TRPM3: variants seen among roughly 807,000 people sequenced by gnomAD.
TRPM3 encodes transient receptor potential cation channel subfamily M member 3, also known as long transient receptor potential channel 3.
In TRPM3, 77 loss-of-function variants were observed where a neutral mutation model predicts 181.2. The observed-to-expected ratio is 0.42, with a 90% CI of 0.35 to 0.51. The LOEUF (loss-of-function observed/expected upper bound fraction) is 0.51. Ranked by LOEUF, TRPM3 falls within the 20% of genes least tolerant of loss-of-function variation. TRPM3 has a pLI of 0.01. For synonymous variants in TRPM3, 745 were observed against 796.4 expected (o/e 0.94, Z 1.09); for missense variants, 1,759 against 2,196.7 (o/e 0.80, Z 3.98).
intron 1 of TRPM3, among the ~76,000 whole-genome samples, chr9:71,343,196 A>G (rs929982164): frequency 4.6e-5 from 7 of 152,036 alleles, no homozygotes; most frequent in Admixed American, 6.6e-5. Flanking sequence ...GAGCGCATAA[A>G]TGTTGTATTT....
intron 1 of TRPM3, among the ~76,000 whole-genome samples, chr9:71,379,055 G>A (rs954724368): frequency 2.6e-5 from 4 of 151,898 alleles, no homozygotes; most frequent in African/African-American, 9.7e-5. Context: ...GGTGTAAAGT[G>A]GCATTGCAGA....
At position 71,009,568 on chromosome 9, in the gene TRPM3, T is replaced by C. The variant is rs1238670543; in HGVS notation, c.177+111610A>G. Among the ~76,000 whole-genome samples, 4 of 152,022 alleles carry C rather than the reference T, an allele frequency of 2.6e-5. No individual in the cohort carries two copies. The East Asian group carries it at 7.7e-4, about 29-fold the overall frequency. On this transcript the variant is annotated intron_variant, in intron 1 of 25. Coordinates refer to ENST00000677713, the MANE Select transcript of TRPM3 (RefSeq NM_001366145.2). ...TACAATAAAAACTATAAAACACTAA[T>C]GGAAGAAATTAAAGAGGAGGCAATT...
intron 22 of TRPM3, among the ~76,000 whole-genome samples, chr9:70,560,735 C>G (rs1441623626): frequency 6.6e-6 from 1 of 152,168 alleles, no homozygotes; most frequent in Non-Finnish European, 1.5e-5. Context: ...TTATTCTTGT[C>G]CCTATCAACA....
intron 1 of TRPM3, among the ~76,000 whole-genome samples, chr9:71,201,480 G>A (rs1004919677): frequency 6.6e-6 from 1 of 152,262 alleles, no homozygotes; most frequent in East Asian, 1.9e-4. Flanking sequence ...TTCCAACTTG[G>A]TTCCATTCTC....
At chr9:70,585,962 C>T (rs1432895338) in intron 22 of TRPM3, among the ~76,000 whole-genome samples, 2 of 152,182 alleles carry the variant, frequency 1.3e-5, no homozygotes, top group African/African-American at 4.8e-5. Flanking sequence ...CTACCATCAG[C>T]CATACTAAAT....
At chr9:70,542,424 T>A (rs2043682043) in intron 25 of TRPM3, among the ~76,000 whole-genome samples, 1 of 152,186 alleles carries the variant, frequency 6.6e-6, no homozygotes, top group South Asian at 2.1e-4. Context: ...CATTTCTGAA[T>A]AACTCAAGTA....
At chr9:71,017,146 C>T (rs974935139) in intron 1 of TRPM3, among the ~76,000 whole-genome samples, 8 of 152,058 alleles carry the variant, frequency 5.3e-5, no homozygotes, top group Admixed American at 2.6e-4. Context: ...ATCAGAGAGA[C>T]TTTCCAAAAT....
chr9:70,788,107 A>G (rs2084345577), intron 6 of TRPM3, among the ~76,000 whole-genome samples: 1 of 144,768 alleles, frequency 6.9e-6, no homozygotes, highest in Non-Finnish European at 1.5e-5. Context: ...GGTGCGCTGC[A>G]CCCACTAACT....
At chr9:70,946,894 G>C (rs1005582417) in intron 1 of TRPM3, among the ~76,000 whole-genome samples, 9 of 152,142 alleles carry the variant, frequency 5.9e-5, no homozygotes, top group Non-Finnish European at 2.9e-5. Context: ...ATTCATTTAT[G>C]TTGCTGTATG....
At chr9:70,864,756 A>T (rs2095610593) in intron 1 of TRPM3, among the ~76,000 whole-genome samples, 1 of 151,872 alleles carries the variant, frequency 6.6e-6, no homozygotes, top group Non-Finnish European at 1.5e-5. Flanking sequence ...TGACCATAAT[A>T]AAAAAAAGTT....
intron 1 of TRPM3, among the ~76,000 whole-genome samples, chr9:71,105,453 A>C (rs1312271286): frequency 6.6e-6 from 1 of 152,062 alleles, no homozygotes; most frequent in Non-Finnish European, 1.5e-5. Flanking sequence ...GACAGCTTAG[A>C]CCCCAGCCTT....
intron 1 of TRPM3, among the ~76,000 whole-genome samples, chr9:71,102,289 T>C (rs539303405): frequency 1.3e-5 from 2 of 152,334 alleles, no homozygotes; most frequent in African/African-American, 4.8e-5. Context: ...GGGCTGAGAA[T>C]GAATTTTTAC....
At chr9:71,025,614 T>C (rs549588) in intron 1 of TRPM3, among the ~76,000 whole-genome samples, 34,725 of 152,176 alleles carry the variant, frequency 0.23, 4,718 homozygotes, top group East Asian at 0.33. Flanking sequence ...ATACACAATA[T>C]GTAGCGCGCA....
rs1007347194 is a variant in TRPM3 at position 71,113,453 on chromosome 9, C to A, written c.177+7725G>T. Among the ~76,000 whole-genome samples the A allele has an allele frequency of 2.6e-5, 4 of 152,248 alleles. No individual in the cohort carries two copies. In the East Asian group the frequency reaches 7.7e-4, roughly 29 times the overall value. On this transcript the variant is annotated intron_variant, in intron 1 of 25. Coordinates refer to ENST00000677713, the MANE Select transcript of TRPM3 (RefSeq NM_001366145.2). Reference sequence around the variant, plus strand: ...ATGAGAGGGAGCTTGCTTGATTCAGCAATGGCCACTTGATTAGGGCAGCAG... The same window carrying A: ...ATGAGAGGGAGCTTGCTTGATTCAGAAATGGCCACTTGATTAGGGCAGCAG...
chr9:71,111,758 T>C (rs180777513), intron 1 of TRPM3, among the ~76,000 whole-genome samples: 1 of 152,354 alleles, frequency 6.6e-6, no homozygotes, highest in Non-Finnish European at 1.5e-5. Context: ...GCCTATATGA[T>C]AGCTCATTCT....
intron 22 of TRPM3, among the ~76,000 whole-genome samples, chr9:70,574,090 GCGCACA>G (rs1449740837): frequency 2.8e-5 from 4 of 143,356 alleles, no homozygotes; most frequent in Admixed American, 1.4e-4. Context: ...ACACACGCGC[GCGCACA>G]CACACACACA....
intron 22 of TRPM3, among the ~76,000 whole-genome samples, chr9:70,568,636 A>G (rs2051304837): frequency 6.6e-6 from 1 of 152,252 alleles, no homozygotes; most frequent in Non-Finnish European, 1.5e-5. Flanking sequence ...AGATGAGTAA[A>G]TTGAAACACA....
chr9:71,379,084 A>G (rs1230796039), intron 1 of TRPM3, among the ~76,000 whole-genome samples: 2 of 152,034 alleles, frequency 1.3e-5, no homozygotes, highest in African/African-American at 2.4e-5. Flanking sequence ...ACTACATTAT[A>G]GTTATCTTGT....
intron 6 of TRPM3, among the ~76,000 whole-genome samples, chr9:70,799,120 C>A (rs1457430234): frequency 6.6e-6 from 1 of 152,180 alleles, no homozygotes; most frequent in Admixed American, 6.5e-5. Context: ...TACATTCTTC[C>A]CCTTGCTGGA....
Sources: allele counts gnomAD v4.1 joint callset (sites outside exome capture counted in the v4.1 genomes callset), GRCh38; gene constraint gnomAD v4.1.1; transcripts MANE v1.5; gene names NCBI Gene and HGNC (gene_info 2026-07-23, HGNC 2026-07-21).